Variants in TAF3 observed in about 807,000 individuals in gnomAD.
The protein encoded by TAF3 is transcription initiation factor TFIID subunit 3.
A neutral mutation model predicts 80.6 loss-of-function variants in TAF3; 7 were observed. The ratio of observed to expected loss-of-function variants is 0.09; its 90% CI spans 0.05 to 0.16. The LOEUF (loss-of-function observed/expected upper bound fraction) is 0.16. TAF3 is among the 10% of genes least tolerant of loss of function. The probability of loss-of-function intolerance (pLI) is 1.00; values close to 1 mark genes in which losing one functional copy is unlikely to be tolerated. For synonymous variants in TAF3, 444 were observed against 446.1 expected, an observed-to-expected ratio of 1.00 and a Z score of 0.06; for missense variants, 921 against 1,140.2, an observed-to-expected ratio of 0.81 and a Z score of 2.77.
intron 2 of TAF3, among the ~76,000 whole-genome samples, chr10:7,905,346 G>A (rs1564360682): frequency 1.3e-5 from 2 of 152,062 alleles, no homozygotes; most frequent in African/African-American, 4.8e-5. Flanking sequence ...TGACATTAGA[G>A]TTTTTCTTAA....
intron 3 of TAF3, among the ~76,000 whole-genome samples, chr10:7,967,261 T>A (rs1168920424): frequency 6.6e-6 from 1 of 152,226 alleles, no homozygotes; most frequent in Non-Finnish European, 1.5e-5. Flanking sequence ...AGTTGGCAGC[T>A]GAGCCCTCAG....
chr10:7,896,234 C>G (rs1837503099), intron 2 of TAF3, among the ~76,000 whole-genome samples: 1 of 152,162 alleles, frequency 6.6e-6, no homozygotes, highest in Non-Finnish European at 1.5e-5. Flanking sequence ...TAACCCTTCT[C>G]TATATTCTTT....
chr10:7,845,561 T>C (rs1202438077), intron 2 of TAF3, among the ~76,000 whole-genome samples: 2 of 152,222 alleles, frequency 1.3e-5, no homozygotes, highest in East Asian at 3.8e-4. Context: ...AGATAGGTGG[T>C]AATGTGAAAA....
chr10:7,890,261 C>T (rs1399279041), intron 2 of TAF3, among the ~76,000 whole-genome samples: 2 of 152,198 alleles, frequency 1.3e-5, no homozygotes, highest in Non-Finnish European at 2.9e-5. Flanking sequence ...ACTTCTGTAT[C>T]CCTTTTAAGA....
At chr10:7,889,949 C>G (rs1395805054) in intron 2 of TAF3, among the ~76,000 whole-genome samples, 2 of 152,204 alleles carry the variant, frequency 1.3e-5, no homozygotes, top group East Asian at 1.9e-4. Flanking sequence ...GTTTTCCTCC[C>G]TCCTCTAGTT....
intron 4 of TAF3, 132 bp from the exon 5 acceptor site, chr10:8,008,946 C>T: frequency 7.6e-7 from 1 of 1,323,410 alleles, no homozygotes; most frequent in Non-Finnish European, 1.0e-6. Context: ...GAACTCAGTT[C>T]TTGAGCTGCC....
intron 2 of TAF3, among the ~76,000 whole-genome samples, chr10:7,848,551 G>A (rs1218141288): frequency 9.8e-6 from 1 of 102,490 alleles, no homozygotes; most frequent in Non-Finnish European, 2.3e-5. Context: ...CAGGTCCCTC[G>A]ACCTGGTCCC....
intron 2 of TAF3, among the ~76,000 whole-genome samples, chr10:7,849,460 A>G (rs559320958): frequency 6.6e-6 from 1 of 151,542 alleles, no homozygotes; most frequent in South Asian, 2.1e-4. Context: ...ATTTAGGGTT[A>G]TTGCATGGGA....
At chr10:7,980,188 G>T (rs920402398) in intron 4 of TAF3, among the ~76,000 whole-genome samples, 1 of 152,084 alleles carries the variant, frequency 6.6e-6, no homozygotes, top group Non-Finnish European at 1.5e-5. Context: ...ATAGTCCAGG[G>T]GGGTATTTAT....
At position 7,818,655 on chromosome 10, in the gene TAF3, C is replaced by T. The variant is rs940518106; in HGVS notation, c.-55C>T. 5 of 1,570,288 alleles carry T rather than the reference C, an allele frequency of 3.2e-6. No homozygotes were observed. The African/African-American group carries it at 4.2e-5, about 13-fold the overall frequency. On this transcript the variant is annotated 5_prime_UTR_variant, in exon 1 of 7. Transcript: ENST00000344293. ...AATCGGGGACCCTGCTAAGGTCTGG[C>T]GGCGGGGCTGGAGAGCAGTGGCAGC...
Position 7,989,139 on chromosome 10 carries a change from A to G in TAF3, c.2315+11816A>G, listed in dbSNP as rs146406659. On this transcript the variant is annotated intron_variant, in intron 4 of 6. Coordinates refer to ENST00000344293, the MANE Select transcript of TAF3 (RefSeq NM_031923.4). ...CAGAGGAAATGGGCCTGGAAGTCCC[A>G]GAGCAAGCTCTCAGTGGGCCAGCTG... Among the ~76,000 whole-genome samples the G allele has an allele frequency of 1.4e-3, 220 of 152,340 alleles. 3 individuals carry two copies. Among genetic ancestry groups the G allele is most frequent in the African/African-American group, 5.1e-3 (213 of 41,574 alleles).
At chr10:7,865,894 A>G (rs1043296511) in intron 2 of TAF3, among the ~76,000 whole-genome samples, 12 of 152,066 alleles carry the variant, frequency 7.9e-5, no homozygotes, top group African/African-American at 2.9e-4. Context: ...GTCAGCGTTG[A>G]TTTATGCAGA....
chr10:7,831,305 A>T (rs1468423396), intron 2 of TAF3, among the ~76,000 whole-genome samples: 5 of 151,746 alleles, frequency 3.3e-5, no homozygotes, highest in Non-Finnish European at 2.9e-5. Flanking sequence ...ATACTCTATC[A>T]TTGTGAACTC....
At chr10:7,960,959 T>C (rs1436793548) in intron 2 of TAF3, among the ~76,000 whole-genome samples, 1 of 152,142 alleles carries the variant, frequency 6.6e-6, no homozygotes, top group Non-Finnish European at 1.5e-5. Flanking sequence ...GGGATGCCTT[T>C]TACAAACTGC....
chr10:7,955,359 G>C (rs549428984), intron 2 of TAF3, among the ~76,000 whole-genome samples: 12 of 152,318 alleles, frequency 7.9e-5, no homozygotes, highest in African/African-American at 2.6e-4. Context: ...TTCATTTACA[G>C]ATTCTGACAC....
At chr10:7,967,789 G>A (rs1831587457) in intron 3 of TAF3, among the ~76,000 whole-genome samples, 1 of 152,158 alleles carries the variant, frequency 6.6e-6, no homozygotes, top group Admixed American at 6.5e-5. Flanking sequence ...GTAGGAACCT[G>A]GAGATTGCTG....
intron 2 of TAF3, among the ~76,000 whole-genome samples, chr10:7,902,267 T>C (rs900425829): frequency 1.3e-5 from 2 of 151,774 alleles, no homozygotes; most frequent in African/African-American, 2.4e-5. Flanking sequence ...CTACTAAAAA[T>C]ACAAAATTAG....
intron 2 of TAF3, among the ~76,000 whole-genome samples, chr10:7,875,683 G>C (rs1837306592): frequency 6.6e-6 from 1 of 151,996 alleles, no homozygotes; most frequent in Non-Finnish European, 1.5e-5. Flanking sequence ...CCAGAACAAT[G>C]GTCCTTTTAA....
intron 2 of TAF3, among the ~76,000 whole-genome samples, chr10:7,842,772 A>G (rs1046647468): frequency 1.3e-5 from 2 of 152,140 alleles, no homozygotes; most frequent in Admixed American, 1.3e-4. Flanking sequence ...AGTAACCTCC[A>G]TTGGATAATT....
Sources: allele counts gnomAD v4.1 joint callset (sites outside exome capture counted in the v4.1 genomes callset), GRCh38; gene constraint gnomAD v4.1.1; transcripts MANE v1.5; gene names NCBI Gene and HGNC (gene_info 2026-07-23, HGNC 2026-07-21).